Variants in CCDC57 observed in about 807,000 individuals in gnomAD.
CCDC57 encodes coiled-coil domain containing 57, also known as coiled-coil domain-containing protein 57.
Under a neutral mutation model 118.9 loss-of-function variants are expected in CCDC57, and 118 were observed. The observed-to-expected ratio is 0.99, with a 90% CI of 0.86 to 1.16. The LOEUF (loss-of-function observed/expected upper bound fraction) is 1.16. Among genes scored for constraint, CCDC57 ranks in the 50% most tolerant of loss-of-function variants. The pLI is 0.00. For synonymous variants in CCDC57, 527 were observed against 532.9 expected (o/e 0.99, Z 0.15); for missense variants, 1,300 against 1,320.7 (o/e 0.98, Z 0.24).
intron 4 of CCDC57, among the ~76,000 whole-genome samples, chr17:82,197,596 A>G (rs1351395179): frequency 6.6e-6 from 1 of 152,224 alleles, no homozygotes; most frequent in Non-Finnish European, 1.5e-5. Flanking sequence ...TAAAAGTTTC[A>G]TCATTTCTGA....
In CCDC57 at chr17:82,178,961, C is replaced by T. The variant is rs2045866715; in HGVS notation, c.1374+66G>A. 2.6e-5 allele frequency: 40 copies of T among 1,530,564 alleles called. 1 individual carries two copies. The South Asian group carries it at 4.0e-4, about 15-fold the overall frequency. The allele number at this position is 1,530,564 out of a possible 1,614,324, so 94.8% of individuals were successfully genotyped here. ...AGAACCATTTGGTAAGAACCAGACC[C>T]GTCCTGCCCAGCCCCACCTCTGCAG... On this transcript the variant is annotated intron_variant, in intron 10 of 19. Coordinates refer to ENST00000665763, the Ensembl canonical transcript of CCDC57.
At position 82,107,967 on chromosome 17, in the gene CCDC57, A is replaced by G. The variant is rs556846568; in HGVS notation, c.2900-6101T>C. Among the ~76,000 whole-genome samples, 14 of 152,298 alleles carry G rather than the reference A, an allele frequency of 9.2e-5. No individual in the cohort carries two copies. The South Asian group carries it at 2.9e-3, about 32-fold the overall frequency. On this transcript the variant is annotated intron_variant, in intron 19 of 19. Coordinates refer to ENST00000665763, the Ensembl canonical transcript of CCDC57. ...TGGATCACTCTGCACACACCTCAGG[A>G]TGGAAGTCCTGGTCAGCAAATGCAT...
chr17:82,134,997 A>G (rs1324336599), intron 16 of CCDC57: 1 of 152,166 alleles, frequency 6.6e-6, no homozygotes, highest in African/African-American at 2.4e-5. Flanking sequence ...CTGAAATAAC[A>G]TTTCCCAGGA....
chr17:82,143,080 T>G (rs1259781148), intron 16 of CCDC57, among the ~76,000 whole-genome samples: 1 of 151,956 alleles, frequency 6.6e-6, no homozygotes, highest in Non-Finnish European at 1.5e-5. Flanking sequence ...GAGAATTGCT[T>G]GATCCCATGA....
chr17:82,103,978 G>T (rs954438710), intron 19 of CCDC57, among the ~76,000 whole-genome samples: 1 of 152,202 alleles, frequency 6.6e-6, no homozygotes, highest in Non-Finnish European at 1.5e-5. Context: ...GCAGGGAACT[G>T]GCCATGAGCC....
At position 82,172,741 on chromosome 17, in the gene CCDC57, C is replaced by A. The variant is rs1422823887; in HGVS notation, c.1626G>T (p.Met542Ile). 2 of 1,606,508 alleles carry A rather than the reference C, an allele frequency of 1.2e-6. No individual in the cohort carries two copies. Among genetic ancestry groups the A allele is most frequent in the Non-Finnish European group, 1.7e-6 (2 of 1,176,748 alleles). The stretch of plus-strand genomic sequence containing the variant: ...GAGGAATCTGATGGCTTAGAGCCTC[C>A]ATTTCTTTCCTCATCTGGGCAATCG... Residue 542 changes from methionine (M) to isoleucine (I), a missense_variant, in exon 12 of 20, where the codon ATG (methionine) becomes ATT (isoleucine). Physicochemically the swap from Met to Ile is conservative, Grantham distance 10 (BLOSUM62 1). Transcript: ENST00000665763. This position sits in a 1 kb window ranked among gnomAD's most constrained non-coding sequence, Gnocchi z 5.2.
intron 13 of CCDC57, among the ~76,000 whole-genome samples, chr17:82,169,698 C>G (rs2044440939): frequency 6.6e-6 from 1 of 152,100 alleles, no homozygotes; most frequent in Non-Finnish European, 1.5e-5. Flanking sequence ...ACCAAGAGGA[C>G]TCGATCAAAG....
Position 82,157,897 on chromosome 17 carries a change from C to CA in CCDC57, c.2091dup (p.Glu698Ter). The CA allele has an allele frequency of 1.3e-6, 2 of 1,568,702 alleles. No individual in the cohort carries two copies. The highest frequency in any genetic ancestry group is 1.2e-5 in the South Asian group (1 of 85,164). On this transcript the variant is annotated frameshift_variant, in exon 15 of 20. Transcript: ENST00000665763. LOFTEE classifies it high-confidence loss of function. ...ACCTCCAGGTGTACCTGGTCCACCTCACGGGGAAGCTCACGCTGGAGAGCG... is the reference window on the plus strand; with the variant it reads ...ACCTCCAGGTGTACCTGGTCCACCTCAACGGGGAAGCTCACGCTGGAGAGCG...
intron 16 of CCDC57, among the ~76,000 whole-genome samples, chr17:82,141,083 T>G (rs1259027471): frequency 6.6e-6 from 1 of 152,002 alleles, no homozygotes; most frequent in Non-Finnish European, 1.5e-5. Flanking sequence ...TGATCTCCAC[T>G]CACTGCAACC....
Position 82,212,761 on chromosome 17 carries a change from C to CCG in CCDC57, c.-211+23_-211+24insCG, listed in dbSNP as rs1467919638. 3 of 152,366 alleles carry CCG rather than the reference C, an allele frequency of 2.0e-5. No homozygotes were observed. Among genetic ancestry groups the CCG allele is most frequent in the Admixed American group, 1.3e-4 (2 of 15,280 alleles). 9.4% of individuals were successfully genotyped at this position (152,366 alleles called of 1,614,324 possible). A position where few individuals can be genotyped will look rare whatever the true frequency, so the allele number is the denominator to read the frequency against. ...GCGCCCCCCACGCCTCCCACGCCTCCCACGCCGCCCGCCCGCACCTCACCC... is the reference window on the plus strand; with the variant it reads ...GCGCCCCCCACGCCTCCCACGCCTCCCGCACGCCGCCCGCCCGCACCTCACCC... On this transcript the variant is annotated intron_variant, in intron 1 of 19. Coordinates refer to ENST00000665763, the Ensembl canonical transcript of CCDC57. The surrounding 1 kb of genome is among the most constrained non-coding windows in gnomAD (Gnocchi z 4.1).
intron 19 of CCDC57, among the ~76,000 whole-genome samples, chr17:82,122,066 G>C (rs747859326): frequency 1.3e-5 from 2 of 152,130 alleles, no homozygotes; most frequent in Non-Finnish European, 2.9e-5. Flanking sequence ...GTCTCACAGA[G>C]AGCTTGGTGG....
At chr17:82,194,915 G>A (rs1001929935) in intron 5 of CCDC57, among the ~76,000 whole-genome samples, 37 of 152,260 alleles carry the variant, frequency 2.4e-4, no homozygotes, top group African/African-American at 7.7e-4. Flanking sequence ...CATGAGGACC[G>A]GGCTGCGCCC....
At chr17:82,156,161 T>C (rs1200446196) in intron 15 of CCDC57, 1 of 151,956 alleles carries the variant, frequency 6.6e-6, no homozygotes, top group East Asian at 1.9e-4. Context: ...CCGGGCGTGG[T>C]GCACCTGTAA....
At chr17:82,179,055 A>T in exon 10 of CCDC57, 3 of 1,613,954 alleles carry the variant, frequency 1.9e-6, no homozygotes, top group Non-Finnish European at 2.5e-6. Context: ...CAGACCCTGA[A>T]TCAGGGCCTC....
At chr17:82,167,110 A>T (rs1384677940) in intron 13 of CCDC57, among the ~76,000 whole-genome samples, 1 of 152,184 alleles carries the variant, frequency 6.6e-6, no homozygotes, top group East Asian at 1.9e-4. Context: ...AACAAATTGA[A>T]AAGAAACAAA....
chr17:82,199,796 G>A (rs2048778984), intron 3 of CCDC57, among the ~76,000 whole-genome samples: 1 of 152,158 alleles, frequency 6.6e-6, no homozygotes, highest in African/African-American at 2.4e-5. Context: ...TCAGGGAGAA[G>A]CTGACCTCCA....
At chr17:82,157,849 C>A (rs890049346) in exon 15 of CCDC57, 9 of 1,593,896 alleles carry the variant, frequency 5.6e-6, no homozygotes, top group Non-Finnish European at 7.7e-6. Flanking sequence ...CCCAGCTCAG[C>A]CACCTGCTTC....
At chr17:82,179,100 C>G (rs1475883361) in exon 10 of CCDC57, 1 of 1,614,018 alleles carries the variant, frequency 6.2e-7, no homozygotes, top group African/African-American at 1.3e-5. Flanking sequence ...AATGTCATCA[C>G]AGCGGCGCTG....
At position 82,171,823 on chromosome 17, in the gene CCDC57, C is replaced by T. The variant is rs201917262; in HGVS notation, c.1760G>A (p.Arg587Gln). Reference sequence around the variant, plus strand: ...AGTTTTAAACTTATGCTTTAGAGTTCGTATTTCTGCTTCAAGGGCCAGAAC... The same window carrying T: ...AGTTTTAAACTTATGCTTTAGAGTTTGTATTTCTGCTTCAAGGGCCAGAAC... Residue 587 changes from arginine to glutamine, a missense_variant, in exon 13 of 20, where the codon CGA (arginine) becomes CAA (glutamine). Transcript: ENST00000665763. The T allele has an allele frequency of 5.9e-5, 96 of 1,613,534 alleles. No individual in the cohort carries two copies. Among genetic ancestry groups the T allele is most frequent in the South Asian group, 8.8e-5 (8 of 91,072 alleles).
Sources: gnomAD v4.1 joint callset for allele counts (sites outside exome capture counted in the v4.1 genomes callset) on GRCh38, gnomAD v4.1.1 for gene constraint, Gnocchi (gnomAD v3.1) non-coding constraint, MANE v1.5 for transcripts, NCBI Gene and HGNC (gene_info 2026-07-23, HGNC 2026-07-21) for gene names.